Variants in KCTD9 observed in about 807,000 individuals in gnomAD.
KCTD9 encodes the protein BTB/POZ domain-containing protein KCTD9.
KCTD9 carries 17 observed loss-of-function variants against 53.3 expected under a neutral mutation model. The ratio of observed to expected loss-of-function variants is 0.32; its 90% CI spans 0.22 to 0.48. KCTD9 has a LOEUF of 0.48. Among genes scored for constraint, KCTD9 ranks in the 20% least tolerant of loss-of-function variants. The pLI is 0.99. For synonymous variants in KCTD9, 128 were observed against 162.7 expected (o/e 0.79, Z 1.62); for missense variants, 179 against 465.5 (o/e 0.38, Z 5.66).
rs778638477 is a variant in KCTD9 at position 25,458,296 on chromosome 8, C to A, written c.-50G>T. 4 of 1,600,532 alleles carry A rather than the reference C, an allele frequency of 2.5e-6. No homozygotes were observed. The highest frequency in any genetic ancestry group is 2.6e-6 in the Non-Finnish European group (3 of 1,171,358). The stretch of plus-strand genomic sequence containing the variant: ...GTGAGCCGCCACCCTCCCACCTGGT[C>A]CTCCTCCCACCTTTTTCTCCTCCCG... On this transcript the variant is annotated 5_prime_UTR_variant, in exon 1 of 12. Transcript: ENST00000221200.
At chr8:25,440,497 G>C in intron 4 of KCTD9, 80 bp downstream of exon 4, 1 of 938,258 alleles carries the variant, frequency 1.1e-6, no homozygotes, top group Non-Finnish European at 1.7e-6. Flanking sequence ...ATCTTTTAAG[G>C]AAATCAGCAA....
chr8:25,438,304 C>CTTTTT (rs34836158), intron 6 of KCTD9, among the ~76,000 whole-genome samples: 1 of 139,274 alleles, frequency 7.2e-6, no homozygotes. Flanking sequence ...CAAATAATAT[C>CTTTTT]TTTTTTTTTT....
At chr8:25,448,856 A>C (rs1586435820) in intron 1 of KCTD9, among the ~76,000 whole-genome samples, 1 of 152,140 alleles carries the variant, frequency 6.6e-6, no homozygotes, top group East Asian at 1.9e-4. Context: ...CAGAGGTTGC[A>C]GTTAGCTGAG....
intron 1 of KCTD9, chr8:25,457,881 C>A (rs1159937471): frequency 8.9e-6 from 2 of 223,868 alleles, no homozygotes; most frequent in Non-Finnish European, 1.7e-5. Flanking sequence ...ACCGCCCGGG[C>A]GCCCAGGTGA....
At chr8:25,458,061 T>C (rs1802504993) in intron 1 of KCTD9, 138 bp downstream of exon 1, 5 of 811,616 alleles carry the variant, frequency 6.2e-6, no homozygotes, top group Non-Finnish European at 9.7e-6. Context: ...CCCTGTGCTG[T>C]CCCCGAGCGC....
rs139271719 is a variant in KCTD9, at chr8:25,434,550, A to G, written c.813+813T>C. Among the ~76,000 whole-genome samples, 352 of 151,986 alleles carry G rather than the reference A, an allele frequency of 2.3e-3. 2 individuals carry two copies. In the South Asian group the frequency reaches 0.027, roughly 12 times the overall value. The stretch of plus-strand genomic sequence containing the variant: ...ATGTTAGTCTTTTTCCTGTTTTGCT[A>G]CTAACCTGACCCTTCATGATAAGAC... On this transcript the variant is annotated intron_variant, in intron 9 of 11. Coordinates refer to ENST00000221200, the MANE Select transcript of KCTD9 (RefSeq NM_017634.4).
At chr8:25,457,343 C>G in intron 1 of KCTD9, 4 of 984,502 alleles carry the variant, frequency 4.1e-6, no homozygotes, top group Non-Finnish European at 4.8e-6. Context: ...TATCATTTAG[C>G]AACGCAATAA....
intron 1 of KCTD9, among the ~76,000 whole-genome samples, chr8:25,449,845 A>C (rs542810822): frequency 4.6e-5 from 7 of 151,934 alleles, no homozygotes; most frequent in Admixed American, 6.6e-5. Flanking sequence ...AGAAAAAAAA[A>C]CACAACTATT....
intron 9 of KCTD9, 77 bp downstream of exon 9, chr8:25,435,286 C>A: frequency 1.1e-6 from 1 of 932,728 alleles, no homozygotes. Context: ...AGTTATAATT[C>A]CTGTCTCAAA....
intron 1 of KCTD9, among the ~76,000 whole-genome samples, chr8:25,447,132 G>A (rs1802227799): frequency 1.3e-5 from 2 of 152,192 alleles, no homozygotes; most frequent in Non-Finnish European, 2.9e-5. Flanking sequence ...AGTGGTTCAT[G>A]CCTGTAATCC....
intron 1 of KCTD9, 133 bp from the exon 2 acceptor site, chr8:25,446,383 G>T: frequency 1.0e-6 from 1 of 996,762 alleles, no homozygotes; most frequent in Non-Finnish European, 1.4e-6. Flanking sequence ...TCTTAACAGT[G>T]CCCCCTTTTC....
intron 1 of KCTD9, among the ~76,000 whole-genome samples, chr8:25,454,661 C>A (rs1802398088): frequency 6.6e-6 from 1 of 152,080 alleles, no homozygotes; most frequent in Non-Finnish European, 1.5e-5. Flanking sequence ...ACAAAAAAAA[C>A]CCTCAAAATT....
At position 25,444,436 on chromosome 8, in the gene KCTD9, G is replaced by A. The variant is rs1237489313; in HGVS notation, c.171-101C>T. The A allele has an allele frequency of 1.6e-5, 18 of 1,115,014 alleles. No homozygotes were observed. In the Admixed American group the frequency reaches 4.2e-4, roughly 26 times the overall value. 69.1% of individuals were successfully genotyped at this position (1,115,014 alleles called of 1,614,324 possible). A position where few individuals can be genotyped will look rare whatever the true frequency, so the allele number is the denominator to read the frequency against. Reference sequence around the variant, plus strand: ...ATTCCTTACAATTATATAGACAATAGGTTTTGCTATCAATCTAGACTGCAA... The same window carrying A: ...ATTCCTTACAATTATATAGACAATAAGTTTTGCTATCAATCTAGACTGCAA... On this transcript the variant is annotated intron_variant, in intron 2 of 11. Transcript: ENST00000221200.
chr8:25,439,766 GCATGCTA>G (rs1802083528), intron 4 of KCTD9, 102 bp from the exon 5 acceptor site: 4 of 1,579,456 alleles, frequency 2.5e-6, no homozygotes, highest in Non-Finnish European at 3.4e-6. Flanking sequence ...TCAAAAAGAT[GCATGCTA>G]CAACCTGGTA....
Position 25,439,196 on chromosome 8 carries a change from A to G in KCTD9, c.499+83T>C, listed in dbSNP as rs1802073228. 2.1e-5 allele frequency: 22 copies of G among 1,063,784 alleles called. No individual in the cohort carries two copies. The South Asian group carries it at 3.6e-4, about 18-fold the overall frequency. 65.9% of individuals were successfully genotyped at this position (1,063,784 alleles called of 1,614,324 possible). On this transcript the variant is annotated intron_variant, in intron 6 of 11. Coordinates refer to ENST00000221200, the MANE Select transcript of KCTD9 (RefSeq NM_017634.4). ...TTTTACTTTATGGAAATATACTGTT[A>G]CTGAGTGAAACAAAGTTAAAATCTT... is the stretch of plus-strand genomic sequence containing the variant.
intron 3 of KCTD9, among the ~76,000 whole-genome samples, chr8:25,441,455 C>A (rs908579183): frequency 6.6e-5 from 10 of 151,770 alleles, no homozygotes; most frequent in Non-Finnish European, 2.9e-5. Context: ...CCAGAAATAC[C>A]CACAAAATAG....
chr8:25,450,799 T>C (rs992157716), intron 1 of KCTD9, among the ~76,000 whole-genome samples: 1 of 152,216 alleles, frequency 6.6e-6, no homozygotes, highest in South Asian at 2.1e-4. Context: ...CTAAGTTTTT[T>C]GCTTTATTTT....
At position 25,447,066 on chromosome 8, in the gene KCTD9, A is replaced by G. The variant is rs183873681; in HGVS notation, c.49-816T>C. On this transcript the variant is annotated intron_variant, in intron 1 of 11. Transcript: ENST00000221200. Reference sequence around the variant, plus strand: ...AGCGACTGAGTTGTGCAGTTGCACCATTATCAGTTATGACCTCTGAAAGTT... The same window carrying G: ...AGCGACTGAGTTGTGCAGTTGCACCGTTATCAGTTATGACCTCTGAAAGTT... 3.5e-3 allele frequency among the ~76,000 whole-genome samples: 537 copies of G among 152,278 alleles called. 3 individuals carry two copies. The highest frequency in any genetic ancestry group is 6.1e-3 in the Non-Finnish European group (413 of 68,022).
intron 1 of KCTD9, among the ~76,000 whole-genome samples, chr8:25,447,762 A>C (rs1586434728): frequency 1.3e-5 from 2 of 152,326 alleles, no homozygotes; most frequent in Non-Finnish European, 2.9e-5. Flanking sequence ...TGTACAACCC[A>C]AGTGTCCATA....
Sources: allele counts gnomAD v4.1 joint callset (sites outside exome capture counted in the v4.1 genomes callset), GRCh38; gene constraint gnomAD v4.1.1; transcripts MANE v1.5; gene names NCBI Gene and HGNC (gene_info 2026-07-23, HGNC 2026-07-21).